The following EGFLAM variants were observed in gnomAD, a reference collection of about 807,000 sequenced individuals.
The protein encoded by EGFLAM is EGF like, fibronectin type III and laminin G domains.
In EGFLAM, 79 loss-of-function variants were observed where a neutral mutation model predicts 113.1. The observed-to-expected ratio is 0.70, with a 90% CI of 0.58 to 0.84. The LOEUF (loss-of-function observed/expected upper bound fraction) is 0.84, where lower values mean the gene tolerates loss of function less well. Among genes scored for constraint, EGFLAM ranks in the 40% least tolerant of loss-of-function variants. The pLI, the probability that EGFLAM is intolerant of heterozygous loss-of-function variation, is 0.00. For missense variants in EGFLAM, 1,265 were observed against 1,291.6 expected, an observed-to-expected ratio of 0.98 and a Z score of 0.32; for synonymous variants, 504 against 487.6, an observed-to-expected ratio of 1.03 and a Z score of -0.44.
intron 6 of EGFLAM, among the ~76,000 whole-genome samples, chr5:38,391,173 T>C (rs1413746604): frequency 6.6e-6 from 1 of 152,172 alleles, no homozygotes; most frequent in Admixed American, 6.5e-5. Context: ...ATGGAGAGCC[T>C]ACTTTAATAA....
chr5:38,405,234 C>A (rs1325508392), intron 6 of EGFLAM, among the ~76,000 whole-genome samples: 4 of 152,228 alleles, frequency 2.6e-5, no homozygotes, highest in African/African-American at 9.6e-5. Context: ...GTACCCAGCA[C>A]TTACCTTAAG....
chr5:38,272,134 G>T (rs1282271836), intron 1 of EGFLAM, among the ~76,000 whole-genome samples: 1 of 152,184 alleles, frequency 6.6e-6, no homozygotes, highest in East Asian at 1.9e-4. Context: ...GCTGCCAAAG[G>T]CTATTGGAAT....
At chr5:38,325,539 C>T (rs562161201) in intron 1 of EGFLAM, among the ~76,000 whole-genome samples, 2 of 152,196 alleles carry the variant, frequency 1.3e-5, no homozygotes, top group South Asian at 4.1e-4. Flanking sequence ...AGGCAAAGAT[C>T]AGAAGTAGAC....
chr5:38,404,787 A>G (rs1265862088), intron 6 of EGFLAM, among the ~76,000 whole-genome samples: 2 of 152,228 alleles, frequency 1.3e-5, no homozygotes, highest in Non-Finnish European at 2.9e-5. Context: ...GAGAGAGGGC[A>G]GCAAGTTAAT....
At chr5:38,322,822 C>T (rs1414599549) in intron 1 of EGFLAM, among the ~76,000 whole-genome samples, 1 of 152,176 alleles carries the variant, frequency 6.6e-6, no homozygotes, top group Non-Finnish European at 1.5e-5. Flanking sequence ...CAGAGAAAAG[C>T]CAGCAGGGAT....
intron 1 of EGFLAM, among the ~76,000 whole-genome samples, chr5:38,316,430 A>T (rs1738595129): frequency 6.6e-6 from 1 of 152,160 alleles, no homozygotes; most frequent in Admixed American, 6.5e-5. Flanking sequence ...ACCTTGGAAT[A>T]GCTACTTAAC....
chr5:38,290,313 TG>T (rs1579732235), intron 1 of EGFLAM, among the ~76,000 whole-genome samples: 1 of 152,156 alleles, frequency 6.6e-6, no homozygotes, highest in East Asian at 1.9e-4. Flanking sequence ...GTTCTTGAGA[TG>T]TTAACTCCCC....
At position 38,413,073 on chromosome 5, in the gene EGFLAM, G is replaced by C. The variant is rs562424477; in HGVS notation, c.1494+425G>C. 5.3e-4 allele frequency among the ~76,000 whole-genome samples: 81 copies of C among 152,016 alleles called. No individual in the cohort carries two copies. The South Asian group carries it at 7.5e-3, about 14-fold the overall frequency. ...GTCTCACTCTGTCCCCCAGGCTGGA[G>C]TACAGTGGCATAATCATGGCTCACT... On this transcript the variant is annotated intron_variant, in intron 11 of 21. Coordinates refer to ENST00000322350, the MANE Select transcript of EGFLAM (RefSeq NM_152403.4).
At chr5:38,306,252 AAGAG>A (rs1295507265) in intron 1 of EGFLAM, among the ~76,000 whole-genome samples, 2 of 152,176 alleles carry the variant, frequency 1.3e-5, no homozygotes, top group African/African-American at 4.8e-5. Context: ...TTTTTTTAAA[AAGAG>A]AGAGCATCAC....
At chr5:38,271,843 C>T (rs1234606368) in intron 1 of EGFLAM, among the ~76,000 whole-genome samples, 1 of 152,218 alleles carries the variant, frequency 6.6e-6, no homozygotes, top group East Asian at 1.9e-4. Flanking sequence ...CCTGCATTGC[C>T]TAATGGATTA....
chr5:38,458,178 T>C, intron 19 of EGFLAM, 133 bp from the exon 20 acceptor site: 1 of 704,408 alleles, frequency 1.4e-6, no homozygotes, highest in Non-Finnish European at 2.3e-6. Context: ...TTTATAACAC[T>C]CTTGTTTTTT....
At chr5:38,305,593 A>G in intron 1 of EGFLAM, 1 of 317,294 alleles carries the variant, frequency 3.2e-6, no homozygotes, top group Non-Finnish European at 6.5e-6. Context: ...CTAGATAGAA[A>G]AGGCAACCAG....
At chr5:38,392,380 C>A (rs1018915357) in intron 6 of EGFLAM, among the ~76,000 whole-genome samples, 1 of 152,160 alleles carries the variant, frequency 6.6e-6, no homozygotes, top group South Asian at 2.1e-4. Flanking sequence ...CGGGTTGATT[C>A]CATATCTTTG....
intron 18 of EGFLAM, among the ~76,000 whole-genome samples, chr5:38,449,876 GATTA>G (rs1181911452): frequency 6.6e-6 from 1 of 152,128 alleles, no homozygotes; most frequent in Non-Finnish European, 1.5e-5. Flanking sequence ...ATCTTGGGTT[GATTA>G]ATTAAGAGAA....
At chr5:38,453,595 C>T (rs1251640439) in intron 19 of EGFLAM, among the ~76,000 whole-genome samples, 1 of 152,172 alleles carries the variant, frequency 6.6e-6, no homozygotes, top group African/African-American at 2.4e-5. Context: ...CTCACCATCT[C>T]TGCCTTCCTG....
At chr5:38,402,316 C>G (rs1046488466) in intron 6 of EGFLAM, among the ~76,000 whole-genome samples, 5 of 152,090 alleles carry the variant, frequency 3.3e-5, no homozygotes, top group African/African-American at 1.2e-4. Context: ...AAAATCTAGC[C>G]CTGCCATTCC....
intron 6 of EGFLAM, among the ~76,000 whole-genome samples, chr5:38,398,180 C>T (rs16903959): frequency 0.2 from 30,585 of 152,090 alleles, 3,616 homozygotes; most frequent in African/African-American, 0.31. Context: ...TCCCCTTGGG[C>T]CTGAACTTTT....
intron 10 of EGFLAM, among the ~76,000 whole-genome samples, chr5:38,409,594 C>A (rs1280738224): frequency 2.6e-5 from 4 of 152,184 alleles, no homozygotes; most frequent in African/African-American, 9.7e-5. Flanking sequence ...TCCTGTCAAT[C>A]CTGAGGATGC....
At chr5:38,446,720 G>A (rs1477388230) in intron 17 of EGFLAM, among the ~76,000 whole-genome samples, 4 of 152,108 alleles carry the variant, frequency 2.6e-5, no homozygotes, top group African/African-American at 4.8e-5. Flanking sequence ...TTTCTGTTTC[G>A]TCCTTTGCTT....
Sources: allele counts gnomAD v4.1 joint callset (sites outside exome capture counted in the v4.1 genomes callset), GRCh38; gene constraint gnomAD v4.1.1; transcripts MANE v1.5; gene names NCBI Gene and HGNC (gene_info 2026-07-23, HGNC 2026-07-21).